The following CCNH variants were observed in gnomAD, a reference collection of about 807,000 sequenced individuals.
The protein encoded by CCNH is cyclin H, also known as cyclin-H.
CCNH carries 31 observed loss-of-function variants against 41.9 expected under a neutral mutation model. The ratio of observed to expected loss-of-function variants is 0.74; its 90% confidence interval spans 0.56 to 1.00. CCNH has a LOEUF of 1.00. CCNH is among the 50% of genes least tolerant of loss of function. The probability of loss-of-function intolerance (pLI) is 0.00; values close to 1 mark genes in which losing one functional copy is unlikely to be tolerated. For synonymous variants in CCNH, 138 were observed against 136.1 expected, an observed-to-expected ratio of 1.01 and a Z score of -0.10; for missense variants, 362 against 388.4, an observed-to-expected ratio of 0.93 and a Z score of 0.57.
chr5:87,318,659 C>T (rs1706116039), exon 10 of CCNH: 1 of 152,214 alleles, frequency 6.6e-6, no homozygotes, highest in African/African-American at 2.4e-5. Flanking sequence ...ATGATCCAAT[C>T]ACCTCCTACC....
At chr5:87,342,787 G>C (rs1166923601) in intron 9 of CCNH, among the ~76,000 whole-genome samples, 1 of 152,060 alleles carries the variant, frequency 6.6e-6, no homozygotes, top group African/African-American at 2.4e-5. Flanking sequence ...TGTGAGTCTA[G>C]TGTTGTTAGA....
chr5:87,375,542 C>A (rs1761268892), downstream of CCNH, among the ~76,000 whole-genome samples: 1 of 152,064 alleles, frequency 6.6e-6, no homozygotes, highest in South Asian at 2.1e-4. Flanking sequence ...ATTACATTAC[C>A]ATATAAGTAA....
chr5:87,315,936 TA>T (rs1398604026), downstream of CCNH, among the ~76,000 whole-genome samples: 1 of 152,200 alleles, frequency 6.6e-6, no homozygotes, highest in Non-Finnish European at 1.5e-5. Flanking sequence ...GGAATTGCAA[TA>T]AAAATTTTTC....
exon 1 of CCNH, chr5:87,376,850 C>T (rs759313292): frequency 1.3e-6 from 2 of 1,558,826 alleles, no homozygotes. Context: ...ATGCTACGTA[C>T]TTTAAACAAT....
intron 4 of CCNH, among the ~76,000 whole-genome samples, chr5:87,407,773 A>G (rs559669338): frequency 7.9e-5 from 12 of 152,236 alleles, no homozygotes; most frequent in African/African-American, 2.9e-4. Context: ...GTCCCACCCA[A>G]CAATCTCAGT....
chr5:87,399,256 G>T, intron 7 of CCNH, 138 bp downstream of exon 7: 1 of 677,672 alleles, frequency 1.5e-6, no homozygotes, highest in Non-Finnish European at 2.6e-6. Context: ...CATTAGAAAT[G>T]TCCATTCAAT....
intron 9 of CCNH, among the ~76,000 whole-genome samples, chr5:87,321,091 T>C (rs1469075920): frequency 2.0e-5 from 3 of 152,000 alleles, no homozygotes; most frequent in African/African-American, 7.3e-5. Flanking sequence ...GTAGGAAGGG[T>C]TGGAACAGTA....
At chr5:87,317,897 A>G (rs1238930640), downstream of CCNH, among the ~76,000 whole-genome samples, 2 of 151,870 alleles carry the variant, frequency 1.3e-5, no homozygotes, top group African/African-American at 4.8e-5. Context: ...CAGCATCCCA[A>G]ATTTCTATAA....
At chr5:87,365,237 T>A (rs3804232) in intron 9 of CCNH, among the ~76,000 whole-genome samples, 55,605 of 151,918 alleles carry the variant, frequency 0.37, 10,550 homozygotes, top group East Asian at 0.5. Context: ...GTAGAGATAT[T>A]TAACAAATGT....
At chr5:87,317,174 C>T (rs955596366), downstream of CCNH, among the ~76,000 whole-genome samples, 14 of 152,158 alleles carry the variant, frequency 9.2e-5, no homozygotes, top group African/African-American at 2.7e-4. Context: ...TGAGCCACTG[C>T]GCCTGGCGGA....
downstream of CCNH, among the ~76,000 whole-genome samples, chr5:87,393,115 GAAT>G (rs1031843180): frequency 6.6e-6 from 1 of 150,874 alleles, no homozygotes; most frequent in African/African-American, 2.4e-5. Flanking sequence ...ACAGTGTAAA[GAAT>G]TATTGTTAGA....
intron 9 of CCNH, among the ~76,000 whole-genome samples, chr5:87,382,848 A>G (rs796614587): frequency 3.9e-5 from 6 of 152,180 alleles, no homozygotes; most frequent in African/African-American, 1.4e-4. Context: ...TGTTTAGACC[A>G]AGACAGGAGG....
chr5:87,386,801 A>G (rs766240127), downstream of CCNH: 34 of 1,599,086 alleles, frequency 2.1e-5, no homozygotes, highest in Non-Finnish European at 2.6e-5. Context: ...TCTGGTGCAT[A>G]TAACAGAAGC....
At chr5:87,319,710 A>G (rs1756633462) in intron 9 of CCNH, among the ~76,000 whole-genome samples, 1 of 152,066 alleles carries the variant, frequency 6.6e-6, no homozygotes, top group African/African-American at 2.4e-5. Flanking sequence ...AGGGGCAGCC[A>G]TGAAGATCTC....
chr5:87,394,777 A>G (rs1373491302), intron 8 of CCNH: 3 of 1,344,284 alleles, frequency 2.2e-6, no homozygotes, highest in Non-Finnish European at 2.8e-6. Flanking sequence ...TCCTTGGAGA[A>G]TAAGAAAAAA....
upstream of CCNH, chr5:87,380,690 C>CT (rs1374947027): frequency 2.5e-6 from 3 of 1,191,622 alleles, no homozygotes; most frequent in Non-Finnish European, 3.7e-6. Flanking sequence ...ATGCTTTTTT[C>CT]TTTGGCTTTT....
chr5:87,341,480 C>T (rs1213983751), intron 9 of CCNH, among the ~76,000 whole-genome samples: 4 of 151,938 alleles, frequency 2.6e-5, no homozygotes, highest in Non-Finnish European at 4.4e-5. Context: ...TCTTAAGGAT[C>T]TAGTGATAAA....
At chr5:87,403,582 G>A (rs1763574317) in intron 5 of CCNH, among the ~76,000 whole-genome samples, 2 of 152,226 alleles carry the variant, frequency 1.3e-5, no homozygotes, top group East Asian at 3.9e-4. Flanking sequence ...TGACTGAGAT[G>A]AGCCTAGGCA....
chr5:87,390,313 G>T (rs1762407563), downstream of CCNH, among the ~76,000 whole-genome samples: 1 of 152,082 alleles, frequency 6.6e-6, no homozygotes, highest in Non-Finnish European at 1.5e-5. Flanking sequence ...TGCTGTCACC[G>T]CACTGGCTAA....
Sources: gnomAD v4.1 joint callset for allele counts (sites outside exome capture counted in the v4.1 genomes callset) on GRCh38, gnomAD v4.1.1 for gene constraint, MANE v1.5 for transcripts, NCBI Gene and HGNC (gene_info 2026-07-23, HGNC 2026-07-21) for gene names.